The following SNX29 variants were observed in gnomAD, a reference collection of about 807,000 sequenced individuals.
The protein encoded by SNX29 is sorting nexin-29.
In SNX29, 78 loss-of-function variants were observed where a neutral mutation model predicts 102.1. That is an observed-to-expected ratio of 0.76 (90% CI 0.64 to 0.92). The LOEUF (loss-of-function observed/expected upper bound fraction) is 0.92. Ranked by LOEUF, SNX29 falls within the 40% of genes least tolerant of loss-of-function variation. The pLI, the probability that SNX29 is intolerant of heterozygous loss-of-function variation, is 0.00. For synonymous variants in SNX29, 580 were observed against 414.5 expected (o/e 1.40, Z -4.85); for missense variants, 1,280 against 1,061.7 (o/e 1.21, Z -2.86).
intron 20 of SNX29, among the ~76,000 whole-genome samples, chr16:12,527,668 C>G (rs2076822825): frequency 6.6e-6 from 1 of 152,146 alleles, no homozygotes; most frequent in South Asian, 2.1e-4. Flanking sequence ...GGGGTCCCCA[C>G]CCAGCACGTG....
At chr16:12,527,428 T>G (rs1163967790) in intron 20 of SNX29, 1 of 438,136 alleles carries the variant, frequency 2.3e-6, no homozygotes, top group African/African-American at 2.0e-5. Flanking sequence ...TTATAAATTT[T>G]GACAGATTTT....
rs755934938 is a variant in SNX29, at chr16:12,069,045, C to T, written c.1244-12C>T. 5 of 1,613,172 alleles carry T rather than the reference C, an allele frequency of 3.1e-6. No homozygotes were observed. In the African/African-American group the frequency reaches 5.3e-5, roughly 17 times the overall value. Reference sequence around the variant, plus strand: ...AAAGTGACCTCTTTCTGTGATTGCTCTCTCTGCACAGATGCCCCCCTCGGA... The same window carrying T: ...AAAGTGACCTCTTTCTGTGATTGCTTTCTCTGCACAGATGCCCCCCTCGGA... On this transcript the variant is annotated splice_polypyrimidine_tract_variant and intron_variant, in intron 9 of 20. Transcript: ENST00000566228.
intron 20 of SNX29, among the ~76,000 whole-genome samples, chr16:12,555,947 C>G (rs117292195): frequency 2.2e-3 from 338 of 152,256 alleles, no homozygotes; most frequent in Middle Eastern, 3.4e-3. Flanking sequence ...TTACATCACA[C>G]CAACTTGTAA....
intron 1 of SNX29, among the ~76,000 whole-genome samples, chr16:11,979,316 C>G (rs1295401379): frequency 7.3e-6 from 1 of 137,196 alleles, no homozygotes; most frequent in African/African-American, 2.8e-5. Context: ...CATCTAAAGC[C>G]AAAGAGAAAA....
At position 12,549,181 on chromosome 16, in the gene SNX29, C is replaced by T. The variant is rs559189226; in HGVS notation, c.2319-19325C>T. On this transcript the variant is annotated intron_variant, in intron 20 of 20. Transcript: ENST00000566228. Reference sequence around the variant, plus strand: ...ACATTTGCTGTTCATGGAGTGTCTGCAGGGGCTAGGCACCCCTCACGATGC... The same window carrying T: ...ACATTTGCTGTTCATGGAGTGTCTGTAGGGGCTAGGCACCCCTCACGATGC... Among the ~76,000 whole-genome samples, 20 of 152,274 alleles carry T rather than the reference C, an allele frequency of 1.3e-4. No individual in the cohort carries two copies. In the South Asian group the frequency reaches 4.1e-3, roughly 32 times the overall value.
intron 15 of SNX29, among the ~76,000 whole-genome samples, chr16:12,352,380 G>T (rs549785867): frequency 1.1e-4 from 17 of 152,130 alleles, no homozygotes; most frequent in African/African-American, 2.7e-4. Flanking sequence ...GTGGGGGAAG[G>T]GGGGAGGGAT....
chr16:12,317,984 C>T (rs2080807185), intron 15 of SNX29, among the ~76,000 whole-genome samples: 1 of 152,248 alleles, frequency 6.6e-6, no homozygotes, highest in African/African-American at 2.4e-5. Flanking sequence ...GTGGTAATAA[C>T]AGCCTTGGCT....
intron 16 of SNX29, among the ~76,000 whole-genome samples, chr16:12,380,474 T>C (rs139381401): frequency 8.2e-3 from 395 of 47,916 alleles, no homozygotes; most frequent in Middle Eastern, 0.031. Context: ...CCACCATCCA[T>C]CCACCCACCC....
At chr16:12,484,843 T>A (rs1177126943) in intron 19 of SNX29, among the ~76,000 whole-genome samples, 1 of 152,184 alleles carries the variant, frequency 6.6e-6, no homozygotes, top group African/African-American at 2.4e-5. Flanking sequence ...TGTATACCAT[T>A]GATTGAAATG....
chr16:12,354,425 C>G (rs183962213), intron 15 of SNX29, among the ~76,000 whole-genome samples: 62 of 152,296 alleles, frequency 4.1e-4, no homozygotes, highest in African/African-American at 1.5e-3. Flanking sequence ...AGGGTTTTGA[C>G]AGCTTATGGT....
chr16:12,188,157 A>G (rs1367418141), intron 13 of SNX29, among the ~76,000 whole-genome samples: 3 of 152,250 alleles, frequency 2.0e-5, no homozygotes, highest in African/African-American at 7.2e-5. Flanking sequence ...AATAATGATG[A>G]TGACAATGAA....
chr16:12,488,403 A>G (rs1470559232), intron 19 of SNX29, among the ~76,000 whole-genome samples: 1 of 151,956 alleles, frequency 6.6e-6, no homozygotes, highest in African/African-American at 2.4e-5. Flanking sequence ...ACTCCATCGC[A>G]TCACGGTTGC....
chr16:12,074,984 C>G (rs968161919), intron 10 of SNX29, among the ~76,000 whole-genome samples: 1 of 152,232 alleles, frequency 6.6e-6, no homozygotes, highest in Non-Finnish European at 1.5e-5. Flanking sequence ...GCATTCTTCA[C>G]CTAGTTGTCG....
chr16:12,276,429 G>T (rs2079253081), intron 14 of SNX29, among the ~76,000 whole-genome samples: 1 of 152,172 alleles, frequency 6.6e-6, no homozygotes, highest in African/African-American at 2.4e-5. Flanking sequence ...GGTCTGAGGA[G>T]GCTTAGCCAC....
chr16:12,148,558 C>G (rs1455360196), intron 13 of SNX29, among the ~76,000 whole-genome samples: 1 of 152,154 alleles, frequency 6.6e-6, no homozygotes, highest in Non-Finnish European at 1.5e-5. Flanking sequence ...TGATTAGTCC[C>G]TCTTATTTTG....
chr16:12,010,995 C>T (rs2056630875), intron 3 of SNX29, among the ~76,000 whole-genome samples: 1 of 151,896 alleles, frequency 6.6e-6, no homozygotes, highest in African/African-American at 2.4e-5. Context: ...AGTTTCTTAC[C>T]AGCCTCTAAC....
intron 19 of SNX29, among the ~76,000 whole-genome samples, chr16:12,484,989 G>T (rs907691672): frequency 6.6e-6 from 1 of 152,250 alleles, no homozygotes; most frequent in East Asian, 1.9e-4. Flanking sequence ...AGATACTCAC[G>T]GTCTAAATTA....
intron 16 of SNX29, among the ~76,000 whole-genome samples, chr16:12,359,084 C>T (rs970683693): frequency 2.0e-5 from 3 of 152,154 alleles, no homozygotes; most frequent in African/African-American, 7.2e-5. Context: ...GTAAAATAAC[C>T]TGGGGCTTGT....
intron 20 of SNX29, among the ~76,000 whole-genome samples, chr16:12,566,108 C>G (rs563288743): frequency 2.0e-5 from 3 of 152,238 alleles, no homozygotes; most frequent in African/African-American, 7.2e-5. Flanking sequence ...ACCACCCCAC[C>G]TTTATTCTGT....
Sources: gnomAD v4.1 joint callset for allele counts (sites outside exome capture counted in the v4.1 genomes callset) on GRCh38, gnomAD v4.1.1 for gene constraint, MANE v1.5 for transcripts, NCBI Gene and HGNC (gene_info 2026-07-23, HGNC 2026-07-21) for gene names.